ADGRV1: variants seen among roughly 807,000 people sequenced by gnomAD.
The protein encoded by ADGRV1 is adhesion G protein-coupled receptor V1.
A neutral mutation model predicts 596.2 loss-of-function variants in ADGRV1; 359 were observed. That is an observed-to-expected ratio of 0.60 (90% CI 0.55 to 0.66). The LOEUF (loss-of-function observed/expected upper bound fraction) is 0.66, where lower values mean the gene tolerates loss of function less well. Ranked by LOEUF, ADGRV1 falls within the 30% of genes least tolerant of loss-of-function variation. ADGRV1 has a pLI of 0.00. For missense variants in ADGRV1, 7,274 were observed against 7,575.6 expected, an observed-to-expected ratio of 0.96 and a Z score of 1.48; for synonymous variants, 2,681 against 2,679.2, an observed-to-expected ratio of 1.00 and a Z score of -0.02.
chr5:90,678,451 ATAT>A, intron 25 of ADGRV1, among the ~76,000 whole-genome samples: 1 of 151,140 alleles, frequency 6.6e-6, no homozygotes, highest in East Asian at 2.0e-4. Flanking sequence ...TATTTTGATG[ATAT>A]TATTTATTTT....
chr5:90,793,345 C>T (rs1760293860), intron 70 of ADGRV1: 1 of 152,204 alleles, frequency 6.6e-6, no homozygotes, highest in African/African-American at 2.4e-5. Context: ...GCATTACATT[C>T]TGAACATATT....
intron 67 of ADGRV1, among the ~76,000 whole-genome samples, chr5:90,785,966 G>A (rs1759394498): frequency 6.6e-6 from 1 of 152,172 alleles, no homozygotes; most frequent in Non-Finnish European, 1.5e-5. Context: ...TTTTATTGCG[G>A]CACTGTTGAC....
At chr5:90,714,588 T>C (rs1022391956) in intron 42 of ADGRV1, among the ~76,000 whole-genome samples, 7 of 152,072 alleles carry the variant, frequency 4.6e-5, no homozygotes, top group African/African-American at 1.7e-4. Flanking sequence ...TTGATTTATA[T>C]TTACATTATT....
Position 90,711,024 on chromosome 5 carries a change from T to G in ADGRV1, c.8868T>G (p.Asp2956Glu). The change falls in exon 40 of 90, where the codon GAT (aspartate) becomes GAG (glutamate). Residue 2956 changes from aspartate (D) to glutamate (E), a missense_variant. By Grantham distance (45) the Asp-to-Glu change is conservative. Coordinates refer to ENST00000405460, the MANE Select transcript of ADGRV1 (RefSeq NM_032119.4). ...CACAAGTTATTATTGATGCCAATGATGGGGCCCGAGGTGTAATTGAATGGC... is the reference window on the plus strand; with the variant it reads ...CACAAGTTATTATTGATGCCAATGAGGGGGCCCGAGGTGTAATTGAATGGC... Reference protein sequence around the residue: ...LTAQVIIDANDGARGVIEWQQ... With the variant: ...LTAQVIIDANEGARGVIEWQQ... 1 of 1,611,434 alleles carries G rather than the reference T, an allele frequency of 6.2e-7. No homozygotes were observed. The highest frequency in any genetic ancestry group is 1.1e-5 in the South Asian group (1 of 90,454).
At chr5:90,719,955 A>G in intron 43 of ADGRV1, 93 bp from the exon 44 acceptor site, 1 of 934,942 alleles carries the variant, frequency 1.1e-6, no homozygotes, top group Non-Finnish European at 1.7e-6. Context: ...AAAACATGCT[A>G]TTTTGTTGTC....
At chr5:91,059,670 G>A (rs1787225375) in intron 85 of ADGRV1, among the ~76,000 whole-genome samples, 1 of 151,954 alleles carries the variant, frequency 6.6e-6, no homozygotes, top group East Asian at 1.9e-4. Flanking sequence ...CTCAATATTG[G>A]GAATTCCCCA....
intron 1 of ADGRV1, among the ~76,000 whole-genome samples, chr5:90,600,689 C>T (rs2152022306): frequency 6.6e-6 from 1 of 152,232 alleles, no homozygotes; most frequent in South Asian, 2.1e-4. Context: ...ATGGCTGGGT[C>T]AAATGGTAGT....
intron 76 of ADGRV1, among the ~76,000 whole-genome samples, chr5:90,827,062 T>C (rs1227807366): frequency 6.6e-6 from 1 of 152,196 alleles, no homozygotes; most frequent in Non-Finnish European, 1.5e-5. Context: ...TAAATATTTG[T>C]TGCAAATATT....
chr5:90,594,911 G>C (rs1250703956), intron 1 of ADGRV1, among the ~76,000 whole-genome samples: 1 of 149,208 alleles, frequency 6.7e-6, no homozygotes, highest in Non-Finnish European at 1.5e-5. Context: ...GCAACCATCC[G>C]ATTTCTCAAT....
intron 85 of ADGRV1, among the ~76,000 whole-genome samples, chr5:91,012,438 C>T (rs180965879): frequency 1.3e-4 from 20 of 151,964 alleles, no homozygotes; most frequent in Non-Finnish European, 2.9e-5. Flanking sequence ...TTTAGGGTTC[C>T]ATGACCTTCT....
At chr5:90,926,255 C>T (rs1318019800) in intron 83 of ADGRV1, among the ~76,000 whole-genome samples, 2 of 152,094 alleles carry the variant, frequency 1.3e-5, no homozygotes, top group African/African-American at 4.8e-5. Flanking sequence ...GTGAATCCAT[C>T]TGGTCCTGGA....
intron 84 of ADGRV1, among the ~76,000 whole-genome samples, chr5:90,971,671 A>T (rs1779016991): frequency 6.6e-6 from 1 of 152,228 alleles, no homozygotes; most frequent in Non-Finnish European, 1.5e-5. Flanking sequence ...CGTCACCACG[A>T]GGCCTGCCCT....
At chr5:90,617,619 GT>G in intron 2 of ADGRV1, 184 bp from the exon 3 acceptor site, 2 of 521,208 alleles carry the variant, frequency 3.8e-6, no homozygotes. Flanking sequence ...GGAATCATTT[GT>G]TTATTTCTGA....
At chr5:90,842,274 A>G (rs778431117) in intron 78 of ADGRV1, among the ~76,000 whole-genome samples, 7 of 152,242 alleles carry the variant, frequency 4.6e-5, no homozygotes, top group Non-Finnish European at 8.8e-5. Flanking sequence ...GAATAATACA[A>G]TGGAATTATA....
intron 87 of ADGRV1, among the ~76,000 whole-genome samples, chr5:91,124,702 CA>C (rs1195080165): frequency 1.3e-5 from 2 of 151,950 alleles, no homozygotes; most frequent in African/African-American, 4.8e-5. Flanking sequence ...AAGTATTCCT[CA>C]AAAAAGGCTG....
intron 83 of ADGRV1, among the ~76,000 whole-genome samples, chr5:90,927,554 A>T (rs1352917228): frequency 6.6e-6 from 1 of 152,142 alleles, no homozygotes; most frequent in Non-Finnish European, 1.5e-5. Context: ...CGTTTCCTGA[A>T]TACAGCACAC....
chr5:90,821,360 A>T (rs1763481890), intron 75 of ADGRV1, among the ~76,000 whole-genome samples: 1 of 150,866 alleles, frequency 6.6e-6, no homozygotes, highest in Non-Finnish European at 1.5e-5. Context: ...CTTTGGTTTG[A>T]ATGTCCTCCC....
chr5:90,672,448 G>A, intron 21 of ADGRV1, 98 bp from the exon 22 acceptor site: 1 of 954,884 alleles, frequency 1.0e-6, no homozygotes, highest in South Asian at 1.8e-5. Flanking sequence ...GAAAGTTGTA[G>A]AATTAAGTTT....
rs879889624 is a variant in ADGRV1, at chr5:90,721,526, A to AATTAAATT, written c.9748+468_9748+469insTTAAATTA. Among the ~76,000 whole-genome samples the AATTAAATT allele has an allele frequency of 6.2e-4, 41 of 66,274 alleles. 1 individual carries two copies. The highest frequency in any genetic ancestry group is 1.6e-3 in the South Asian group (4 of 2,448). The allele number at this position is 66,274 out of a possible 152,430, so 43.5% of individuals were successfully genotyped here. A position where few individuals can be genotyped will look rare whatever the true frequency, so the allele number is the denominator to read the frequency against. ...CTAAAAAATAAAATAAAATAAAATA[A>AATTAAATT]AAATAAAAATAAAATAAAATAAAAT... On this transcript the variant is annotated intron_variant, in intron 45 of 89. Transcript: ENST00000405460.
Sources: allele counts gnomAD v4.1 joint callset (sites outside exome capture counted in the v4.1 genomes callset), GRCh38; gene constraint gnomAD v4.1.1; transcripts MANE v1.5; gene names NCBI Gene and HGNC (gene_info 2026-07-23, HGNC 2026-07-21).